The following ERMP1 variants were observed in gnomAD, a reference collection of about 807,000 sequenced individuals.
ERMP1 encodes the protein endoplasmic reticulum metallopeptidase 1, also known as Felix-ina.
ERMP1 carries 86 observed loss-of-function variants against 92.0 expected under a neutral mutation model. That is an observed-to-expected ratio of 0.93 (90% CI 0.79 to 1.12). The LOEUF is 1.12. ERMP1 is among the 50% of genes most tolerant of loss of function. The probability of loss-of-function intolerance (pLI) is 0.00; values close to 1 mark genes in which losing one functional copy is unlikely to be tolerated. For missense variants in ERMP1, 1,342 were observed against 1,116.3 expected, an observed-to-expected ratio of 1.20 and a Z score of -2.88; for synonymous variants, 530 against 412.8, an observed-to-expected ratio of 1.28 and a Z score of -3.44.
At chr9:5,801,095 G>A (rs1345890514) in intron 11 of ERMP1, 81 bp downstream of exon 11, 6 of 1,440,852 alleles carry the variant, frequency 4.2e-6, no homozygotes, top group Non-Finnish European at 5.6e-6. Context: ...AAAGTCAGCT[G>A]CGCTTGCTAT....
chr9:5,832,590 C>G (rs1829991058), intron 1 of ERMP1, 100 bp downstream of exon 1: 1 of 968,484 alleles, frequency 1.0e-6, no homozygotes, highest in Admixed American at 4.2e-5. Context: ...CGAGTCCCAG[C>G]GGTCCGGCAG....
intron 8 of ERMP1, among the ~76,000 whole-genome samples, chr9:5,806,352 T>C (rs1828869272): frequency 6.6e-6 from 1 of 152,154 alleles, no homozygotes; most frequent in Non-Finnish European, 1.5e-5. Context: ...AATTTGATCT[T>C]ACAGTTTTTG....
Position 5,832,928 on chromosome 9 carries a change from G to C in ERMP1, c.100C>G (p.Arg34Gly), listed in dbSNP as rs13283149. ...CCATCCACCAGAGGCTCCTGCGCTC[G>C]GGCCTCCCTCTCCGGCGGTGGCGCG... ...AAAPPPEREA[R>G]AQEPLVDGCS... Residue 34 changes from arginine to glycine, a missense_variant, in exon 1 of 15, where the codon CGA (arginine) becomes GGA (glycine). Transcript: ENST00000339450. 0.022 allele frequency: 33,984 copies of C among 1,561,266 alleles called. 447 individuals carry two copies. Among genetic ancestry groups the C allele is most frequent in the Middle Eastern group, 0.033 (194 of 5,942 alleles).
At chr9:5,789,629 C>T (rs147369094) in intron 13 of ERMP1, among the ~76,000 whole-genome samples, 293 of 152,294 alleles carry the variant, frequency 1.9e-3, no homozygotes, top group African/African-American at 6.7e-3. Flanking sequence ...ACTGCTCTAC[C>T]ACCTAGGCTG....
chr9:5,813,760 T>C (rs1320203608), intron 4 of ERMP1, among the ~76,000 whole-genome samples: 1 of 151,438 alleles, frequency 6.6e-6, no homozygotes, highest in Non-Finnish European at 1.5e-5. Flanking sequence ...TTATAATTTA[T>C]CATTATTAAT....
chr9:5,838,438 G>C (rs374733602), intron 6 of ERMP1, among the ~76,000 whole-genome samples: 27 of 152,100 alleles, frequency 1.8e-4, no homozygotes, highest in African/African-American at 6.0e-4. Flanking sequence ...CCGTCTACTA[G>C]GGAGACTGAG....
intron 6 of ERMP1, among the ~76,000 whole-genome samples, chr9:5,842,117 C>A (rs890130586): frequency 4.6e-5 from 7 of 152,102 alleles, no homozygotes; most frequent in African/African-American, 1.2e-4. Flanking sequence ...ACAGAAAGAA[C>A]AAAGCCTCCA....
chr9:5,829,473 T>C (rs1341530521), intron 2 of ERMP1, among the ~76,000 whole-genome samples: 1 of 152,212 alleles, frequency 6.6e-6, no homozygotes, highest in East Asian at 1.9e-4. Context: ...TCCAGAAGTG[T>C]TAATATTACA....
At chr9:5,819,085 G>T (rs987798979) in intron 4 of ERMP1, among the ~76,000 whole-genome samples, 1 of 152,100 alleles carries the variant, frequency 6.6e-6, no homozygotes, top group Non-Finnish European at 1.5e-5. Flanking sequence ...TAAAAGAAAT[G>T]AAAATATACG....
chr9:5,863,025 C>A (rs893815303), intron 5 of ERMP1, among the ~76,000 whole-genome samples: 3 of 152,290 alleles, frequency 2.0e-5, no homozygotes, highest in East Asian at 3.9e-4. Context: ...TTCTTTTGAG[C>A]CCATTTTTGC....
At chr9:5,802,116 G>A (rs1198365414) in intron 10 of ERMP1, among the ~76,000 whole-genome samples, 4 of 152,144 alleles carry the variant, frequency 2.6e-5, no homozygotes, top group Non-Finnish European at 5.9e-5. Context: ...TTTAAATATT[G>A]TGAATACTGA....
intron 6 of ERMP1, among the ~76,000 whole-genome samples, chr9:5,840,369 T>C (rs186318287): frequency 1.3e-5 from 2 of 152,302 alleles, no homozygotes; most frequent in Non-Finnish European, 2.9e-5. Flanking sequence ...GATTCCTACA[T>C]AAGCTAAAAT....
chr9:5,811,453 G>A (rs1829091925), intron 6 of ERMP1, 130 bp from the exon 7 acceptor site: 1 of 693,722 alleles, frequency 1.4e-6, no homozygotes, highest in Non-Finnish European at 2.3e-6. Context: ...TGAAGAAATG[G>A]TTAGAAAGAA....
At chr9:5,797,418 G>C (rs565646871) in intron 13 of ERMP1, among the ~76,000 whole-genome samples, 2 of 152,130 alleles carry the variant, frequency 1.3e-5, no homozygotes, top group Non-Finnish European at 2.9e-5. Flanking sequence ...GGGAGGCCGA[G>C]GCAGGCAGAC....
chr9:5,812,652 A>T, intron 5 of ERMP1: 1 of 549,970 alleles, frequency 1.8e-6, no homozygotes. Context: ...ATGAGGTGCT[A>T]AACAGTTCAC....
chr9:5,844,807 A>G (rs10975315), intron 6 of ERMP1, among the ~76,000 whole-genome samples: 8,630 of 152,214 alleles, frequency 0.057, 837 homozygotes, highest in African/African-American at 0.2. Flanking sequence ...TTGACAGTCA[A>G]GTTTTCTGGT....
chr9:5,809,237 G>A (rs1464320238), intron 8 of ERMP1, among the ~76,000 whole-genome samples: 1 of 151,332 alleles, frequency 6.6e-6, no homozygotes, highest in Non-Finnish European at 1.5e-5. Context: ...AGCCAGGATG[G>A]TCTCGATCTC....
chr9:5,819,634 T>A (rs12347208), intron 4 of ERMP1, among the ~76,000 whole-genome samples: 86 of 152,060 alleles, frequency 5.7e-4, no homozygotes, highest in African/African-American at 2.1e-3. Flanking sequence ...CTATGGCACA[T>A]AGTTTCACAG....
rs1478194313 is a variant in ERMP1, at chr9:5,787,411, A to C, written c.2550+19T>G. The stretch of plus-strand genomic sequence containing the variant: ...TGGGAACCTAATCAATGAAACAAAC[A>C]ATGCTGGGAAATTGGCACCTGCACT... On this transcript the variant is annotated intron_variant, in intron 14 of 14. Coordinates refer to ENST00000339450, the MANE Select transcript of ERMP1 (RefSeq NM_024896.3). The C allele has an allele frequency of 1.4e-5, 23 of 1,610,024 alleles. No homozygotes were observed. Among genetic ancestry groups the C allele is most frequent in the South Asian group, 2.2e-5 (2 of 90,588 alleles).
Sources: allele counts gnomAD v4.1 joint callset (sites outside exome capture counted in the v4.1 genomes callset), GRCh38; gene constraint gnomAD v4.1.1; transcripts MANE v1.5; gene names NCBI Gene and HGNC (gene_info 2026-07-23, HGNC 2026-07-21).